The following ARL9 variants were observed in gnomAD, a reference collection of about 807,000 sequenced individuals.
The protein encoded by ARL9 is ARF like GTPase 9.
Under a neutral mutation model 27.0 loss-of-function variants are expected in ARL9, and 14 were observed. That is an observed-to-expected ratio of 0.52 (90% confidence interval 0.34 to 0.81). The LOEUF is 0.81. Among genes scored for constraint, ARL9 ranks in the 30% least tolerant of loss-of-function variants. The pLI, the probability that ARL9 is intolerant of heterozygous loss-of-function variation, is 0.01. For missense variants in ARL9, 294 were observed against 290.0 expected, an observed-to-expected ratio of 1.01 and a Z score of -0.10; for synonymous variants, 106 against 108.7, an observed-to-expected ratio of 0.98 and a Z score of 0.15.
Position 56,506,113 on chromosome 4 carries a change from C to T in ARL9, c.251C>T (p.Thr84Ile). ...QEEKGENKDS[T>I]LTRTPLEPLE... ...GAGAAAGGGGAGAACAAGGACAGCA[C>T]CTTGACAAGGACCCCGCTCGAGCCG... The change falls in exon 1 of 4, where the codon ACC becomes ATC. Residue 84 changes from threonine to isoleucine, a missense_variant. By Grantham distance (89) the Thr-to-Ile change is moderately conservative (BLOSUM62 -1). Coordinates refer to ENST00000640821, the MANE Select transcript of ARL9 (RefSeq NM_001363794.2). The T allele has an allele frequency of 1.6e-6, 2 of 1,233,666 alleles. No homozygotes were observed. Among genetic ancestry groups the T allele is most frequent in the Middle Eastern group, 3.1e-4 (1 of 3,216 alleles). The allele number at this position is 1,233,666 out of a possible 1,614,324, so 76.4% of individuals were successfully genotyped here.
At chr4:56,516,351 AT>A (rs1438327071) in intron 2 of ARL9, among the ~76,000 whole-genome samples, 1 of 152,162 alleles carries the variant, frequency 6.6e-6, no homozygotes, top group East Asian at 1.9e-4. Flanking sequence ...AGATGGATAA[AT>A]TTAACTACAT....
upstream of ARL9, chr4:56,505,554 G>A (rs1198882356): frequency 3.5e-6 from 2 of 563,406 alleles, no homozygotes; most frequent in Non-Finnish European, 6.7e-6. Flanking sequence ...GATATACCCC[G>A]CCGAACTGTC....
In ARL9 at chr4:56,520,461, C is replaced by T. The variant is rs1721887347; in HGVS notation, c.618+1608C>T. 4.6e-5 allele frequency among the ~76,000 whole-genome samples: 7 copies of T among 152,066 alleles called. No homozygotes were observed. The South Asian group carries it at 1.2e-3, about 27-fold the overall frequency. ...ACGAGGTACCTAGAGTTGTCAGATT[C>T]ATAGAAATAGAAAGTGGAGTGGTGA... On this transcript the variant is annotated intron_variant, in intron 3 of 3. Coordinates refer to ENST00000640821, the MANE Select transcript of ARL9 (RefSeq NM_001363794.2).
At position 56,510,938 on chromosome 4, in the gene ARL9, A is replaced by G. The variant is rs565055870; in HGVS notation, c.280-247A>G. Among the ~76,000 whole-genome samples, 8 of 151,764 alleles carry G rather than the reference A, an allele frequency of 5.3e-5. No individual in the cohort carries two copies. The East Asian group carries it at 1.6e-3, about 29-fold the overall frequency. ...AGGTGCACGCCACCACACCTGGCTAATTTTTTGTATTTTTAGTATAGATGG... is the reference window on the plus strand; with the variant it reads ...AGGTGCACGCCACCACACCTGGCTAGTTTTTTGTATTTTTAGTATAGATGG... On this transcript the variant is annotated intron_variant, in intron 1 of 3. Transcript: ENST00000640821.
chr4:56,521,038 T>A (rs892367971), intron 3 of ARL9, among the ~76,000 whole-genome samples: 2 of 151,952 alleles, frequency 1.3e-5, no homozygotes, highest in African/African-American at 2.4e-5. Flanking sequence ...GGTGAAACCC[T>A]GTCTCTACTA....
At chr4:56,510,354 CAA>C (rs769085578) in intron 1 of ARL9, among the ~76,000 whole-genome samples, 51 of 75,034 alleles carry the variant, frequency 6.8e-4, no homozygotes, top group Middle Eastern at 8.8e-3. Context: ...GACTCCAACT[CAA>C]AAAAAAAAAA....
chr4:56,516,697 AAGGTG>A (rs1721776833), intron 2 of ARL9, among the ~76,000 whole-genome samples: 1 of 152,092 alleles, frequency 6.6e-6, no homozygotes. Context: ...TTGGGAAGCC[AAGGTG>A]GGTGGATCAC....
At chr4:56,519,440 T>A (rs963431584) in intron 3 of ARL9, among the ~76,000 whole-genome samples, 7 of 152,112 alleles carry the variant, frequency 4.6e-5, no homozygotes, top group Admixed American at 1.3e-4. Flanking sequence ...TGAAACCCTG[T>A]CTCTACTAAA....
chr4:56,521,971 C>CT (rs1721932676), intron 3 of ARL9, among the ~76,000 whole-genome samples: 1 of 151,812 alleles, frequency 6.6e-6, no homozygotes, highest in Admixed American at 6.6e-5. Flanking sequence ...CTCCCCTCCA[C>CT]TCCTCTCTTT....
At chr4:56,508,311 A>T (rs941975880) in intron 1 of ARL9, among the ~76,000 whole-genome samples, 1 of 152,240 alleles carries the variant, frequency 6.6e-6, no homozygotes, top group Non-Finnish European at 1.5e-5. Flanking sequence ...GGGATGGAAG[A>T]CATCTATGAA....
At chr4:56,506,691 C>T in intron 1 of ARL9, 1 of 985,306 alleles carries the variant, frequency 1.0e-6, no homozygotes, top group Non-Finnish European at 1.2e-6. Flanking sequence ...TTATTTGGGT[C>T]AGCTGAATGG....
intron 3 of ARL9, among the ~76,000 whole-genome samples, chr4:56,522,739 GCA>G (rs1721959831): frequency 6.6e-6 from 1 of 152,150 alleles, no homozygotes; most frequent in Non-Finnish European, 1.5e-5. Context: ...TGCGGCCTAA[GCA>G]CAGGCTTCCT....
chr4:56,516,406 G>C (rs1175405288), intron 2 of ARL9, among the ~76,000 whole-genome samples: 1 of 151,900 alleles, frequency 6.6e-6, no homozygotes, highest in African/African-American at 2.4e-5. Context: ...CCACAAAATA[G>C]GGGAAGATAC....
intron 1 of ARL9, among the ~76,000 whole-genome samples, chr4:56,510,673 G>T (rs556581036): frequency 3.6e-4 from 55 of 152,234 alleles, no homozygotes; most frequent in Middle Eastern, 3.4e-3. Flanking sequence ...GATAGAGGAC[G>T]GATGTGAAAT....
chr4:56,511,160 A>G, intron 1 of ARL9, 25 bp from the exon 2 acceptor site: 2 of 1,524,136 alleles, frequency 1.3e-6, no homozygotes, highest in Middle Eastern at 1.7e-4. Context: ...GCATGGGCTT[A>G]TTGATTTATC....
chr4:56,513,772 C>T lies in ARL9; in HGVS notation c.442+2425C>T, dbSNP rs998273086. 7.2e-5 allele frequency among the ~76,000 whole-genome samples: 11 copies of T among 152,264 alleles called. No homozygotes were observed. The South Asian group carries it at 1.9e-3, about 26-fold the overall frequency. On this transcript the variant is annotated intron_variant, in intron 2 of 3. Transcript: ENST00000640821. The stretch of plus-strand genomic sequence containing the variant: ...AACTAACTAAGATGCCTGCATGACA[C>T]GAGGGCCCCTGGAAGAGTGCTAACA...
chr4:56,513,290 T>C (rs1721688000), intron 2 of ARL9, among the ~76,000 whole-genome samples: 1 of 152,186 alleles, frequency 6.6e-6, no homozygotes, highest in African/African-American at 2.4e-5. Flanking sequence ...TTGGAGTATG[T>C]TGGGGATTGG....
chr4:56,508,036 C>T (rs1721517676), intron 1 of ARL9, among the ~76,000 whole-genome samples: 1 of 151,052 alleles, frequency 6.6e-6, no homozygotes, highest in South Asian at 2.1e-4. Context: ...ATTCTAATTT[C>T]AGAGATATTA....
chr4:56,516,226 C>A (rs1459381700), intron 2 of ARL9, among the ~76,000 whole-genome samples: 1 of 151,970 alleles, frequency 6.6e-6, no homozygotes, highest in African/African-American at 2.4e-5. Context: ...CATCAATTTC[C>A]GATGGATAAA....
Sources: allele counts gnomAD v4.1 joint callset (sites outside exome capture counted in the v4.1 genomes callset), GRCh38; gene constraint gnomAD v4.1.1; transcripts MANE v1.5; gene names NCBI Gene and HGNC (gene_info 2026-07-23, HGNC 2026-07-21).